Variants in ANKS1B observed in about 807,000 individuals in gnomAD.
ANKS1B encodes the protein ankyrin repeat and sterile alpha motif domain containing 1B, also known as ankyrin repeat and sterile alpha motif domain-containing protein 1B.
ANKS1B carries 36 observed loss-of-function variants against 148.3 expected under a neutral mutation model. The ratio of observed to expected loss-of-function variants is 0.24; its 90% CI spans 0.19 to 0.32. ANKS1B has a LOEUF of 0.32. ANKS1B is among the 10% of genes least tolerant of loss of function. The pLI, the probability that ANKS1B is intolerant of heterozygous loss-of-function variation, is 1.00. For missense variants in ANKS1B, 1,157 were observed against 1,542.6 expected (o/e 0.75, Z 4.19); for synonymous variants, 542 against 560.8 (o/e 0.97, Z 0.47).
At chr12:98,869,285 G>T (rs1047546214) in intron 17 of ANKS1B, among the ~76,000 whole-genome samples, 1 of 152,138 alleles carries the variant, frequency 6.6e-6, no homozygotes, top group Non-Finnish European at 1.5e-5. Context: ...CCAAGGCCTG[G>T]GATGAAGTTT....
At chr12:99,344,038 A>G (rs2090311824) in intron 12 of ANKS1B, among the ~76,000 whole-genome samples, 2 of 152,084 alleles carry the variant, frequency 1.3e-5, no homozygotes, top group Admixed American at 1.3e-4. Flanking sequence ...ATAAACCTGC[A>G]TTGTGTTAGA....
chr12:99,788,275 T>A (rs1400086631), intron 4 of ANKS1B, among the ~76,000 whole-genome samples: 7 of 152,192 alleles, frequency 4.6e-5, no homozygotes, highest in African/African-American at 1.7e-4. Flanking sequence ...GACTTTGTCT[T>A]GCATCTTAGA....
At chr12:99,774,856 T>G (rs1379927070) in intron 7 of ANKS1B, among the ~76,000 whole-genome samples, 29 of 152,058 alleles carry the variant, frequency 1.9e-4, no homozygotes, top group Admixed American at 1.9e-3. Context: ...TGTAACAACA[T>G]GGATGAACCT....
At chr12:99,152,433 T>C (rs1370465939) in intron 15 of ANKS1B, among the ~76,000 whole-genome samples, 1 of 152,182 alleles carries the variant, frequency 6.6e-6, no homozygotes, top group Non-Finnish European at 1.5e-5. Flanking sequence ...AATCTATGAT[T>C]AGACCTTGGT....
chr12:99,054,819 T>C (rs1330633547), intron 16 of ANKS1B, among the ~76,000 whole-genome samples: 2 of 152,226 alleles, frequency 1.3e-5, no homozygotes, highest in South Asian at 4.1e-4. Context: ...AGTGCTGGGA[T>C]TACAGGCATG....
At chr12:99,047,867 G>C (rs1489838164) in intron 17 of ANKS1B, among the ~76,000 whole-genome samples, 4 of 152,102 alleles carry the variant, frequency 2.6e-5, no homozygotes, top group Admixed American at 2.6e-4. Context: ...TGGAACTAAG[G>C]GTCTACATAA....
chr12:99,424,903 T>C (rs1321643748), intron 11 of ANKS1B, among the ~76,000 whole-genome samples: 1 of 151,980 alleles, frequency 6.6e-6, no homozygotes, highest in Non-Finnish European at 1.5e-5. Context: ...CCTCAACCAC[T>C]CATAGACTGC....
intron 17 of ANKS1B, among the ~76,000 whole-genome samples, chr12:98,911,715 T>G (rs1336347947): frequency 6.6e-6 from 1 of 152,176 alleles, no homozygotes; most frequent in Non-Finnish European, 1.5e-5. Context: ...GGTCCTTTTA[T>G]TGTCCTGGCA....
intron 11 of ANKS1B, among the ~76,000 whole-genome samples, chr12:99,408,956 T>C (rs1426561629): frequency 6.6e-6 from 1 of 151,620 alleles, no homozygotes; most frequent in Non-Finnish European, 1.5e-5. Context: ...GGAGGTTCCT[T>C]AAATAACTAG....
intron 8 of ANKS1B, among the ~76,000 whole-genome samples, chr12:99,685,879 A>C (rs912673621): frequency 3.9e-5 from 6 of 152,156 alleles, no homozygotes; most frequent in Non-Finnish European, 8.8e-5. Context: ...AGTAACTCAG[A>C]AATGGAAACC....
intron 15 of ANKS1B, among the ~76,000 whole-genome samples, chr12:99,139,700 C>CT (rs1409114838): frequency 6.6e-6 from 1 of 151,742 alleles, no homozygotes; most frequent in Non-Finnish European, 1.5e-5. Flanking sequence ...GTATGCTAGT[C>CT]TTAGCTCCCT....
intron 13 of ANKS1B, among the ~76,000 whole-genome samples, chr12:99,246,023 C>G (rs1051951847): frequency 3.5e-4 from 53 of 152,076 alleles, no homozygotes; most frequent in African/African-American, 1.0e-3. Flanking sequence ...TACCTCATAG[C>G]TAGTTATTAC....
At chr12:99,802,986 T>C (rs2153658239) in intron 4 of ANKS1B, among the ~76,000 whole-genome samples, 1 of 151,884 alleles carries the variant, frequency 6.6e-6, no homozygotes, top group African/African-American at 2.4e-5. Context: ...TCAAAAGCCA[T>C]CTATAAGTTT....
chr12:99,936,542 T>A (rs1358827548), intron 1 of ANKS1B, among the ~76,000 whole-genome samples: 1 of 152,180 alleles, frequency 6.6e-6, no homozygotes, highest in African/African-American at 2.4e-5. Flanking sequence ...AACTGTCTAC[T>A]CTTTGGCTAT....
chr12:98,828,594 G>A (rs537750582), intron 19 of ANKS1B, among the ~76,000 whole-genome samples: 1 of 152,212 alleles, frequency 6.6e-6, no homozygotes, highest in Non-Finnish European at 1.5e-5. Flanking sequence ...AGCAATCCGA[G>A]GACAGGCTAG....
chr12:99,112,039 AT>A (rs2060393818), intron 15 of ANKS1B, among the ~76,000 whole-genome samples: 3 of 152,270 alleles, frequency 2.0e-5, no homozygotes, highest in Admixed American at 2.0e-4. Flanking sequence ...GCATTCTGAA[AT>A]TTGTAAATTG....
intron 1 of ANKS1B, among the ~76,000 whole-genome samples, chr12:99,944,200 C>T (rs2094995458): frequency 6.6e-6 from 1 of 152,188 alleles, no homozygotes. Context: ...TGAGAGGGGC[C>T]TATGACTTGA....
intron 10 of ANKS1B, among the ~76,000 whole-genome samples, chr12:99,487,295 A>G (rs2152955311): frequency 6.6e-6 from 1 of 152,338 alleles, no homozygotes; most frequent in East Asian, 1.9e-4. Context: ...TTTGTGAAAT[A>G]TACCTCTTAC....
chr12:99,936,352 A>C (rs531557709), intron 1 of ANKS1B, among the ~76,000 whole-genome samples: 2 of 152,306 alleles, frequency 1.3e-5, no homozygotes, highest in African/African-American at 4.8e-5. Flanking sequence ...TGTAAAATAC[A>C]CAGGGATAAT....
Sources: gnomAD v4.1 joint callset for allele counts (sites outside exome capture counted in the v4.1 genomes callset) on GRCh38, gnomAD v4.1.1 for gene constraint, MANE v1.5 for transcripts, NCBI Gene and HGNC (gene_info 2026-07-23, HGNC 2026-07-21) for gene names.